Variants in NYAP1 observed in about 807,000 individuals in gnomAD.
NYAP1 encodes neuronal tyrosine-phosphorylated phosphoinositide-3-kinase adapter 1.
A neutral mutation model predicts 58.6 loss-of-function variants in NYAP1; 20 were observed. The ratio of observed to expected loss-of-function variants is 0.34; its 90% CI spans 0.24 to 0.50. The LOEUF (loss-of-function observed/expected upper bound fraction) is 0.50, where lower values mean the gene tolerates loss of function less well. Ranked by LOEUF, NYAP1 falls within the 20% of genes least tolerant of loss-of-function variation. NYAP1 has a pLI of 0.98. For missense variants in NYAP1, 1,150 were observed against 1,194.5 expected (o/e 0.96, Z 0.55); for synonymous variants, 572 against 523.1 (o/e 1.09, Z -1.27).
chr7:100,492,459 C>G (rs1563190259), intron 6 of NYAP1, among the ~76,000 whole-genome samples: 1 of 152,066 alleles, frequency 6.6e-6, no homozygotes, highest in Non-Finnish European at 1.5e-5. Flanking sequence ...CCACTGGGCA[C>G]TATGTCTTGT....
rs140546898 is a variant in NYAP1, at chr7:100,489,855, C to T, written c.1945+189C>T. On this transcript the variant is annotated intron_variant, in intron 4 of 6. Coordinates refer to ENST00000300179, the MANE Select transcript of NYAP1 (RefSeq NM_173564.4). ...AAAGACCGGGGTCCCCCAGTGTGCG[C>T]TGGAGGGGCAGGAAGGTCTGGGAGG... Among the ~76,000 whole-genome samples, 410 of 152,138 alleles carry T rather than the reference C, an allele frequency of 2.7e-3. 2 individuals are homozygous for T. The highest frequency in any genetic ancestry group is 9.4e-3 in the African/African-American group (388 of 41,482).
rs892909545 is a variant in NYAP1 at position 100,488,171 on chromosome 7, A to G, written c.450A>G (p.Pro150=). 6.3e-7 allele frequency: 1 copy of G among 1,598,144 alleles called. No homozygotes were observed. Among genetic ancestry groups the G allele is most frequent in the African/African-American group, 1.4e-5 (1 of 73,790 alleles). Reference sequence around the variant, plus strand: ...GTCCAGGCTCACAGAAGCCAACCCCAGAGGGCCGAGAGTCCAGCCGGAAGG... The same window carrying G: ...GTCCAGGCTCACAGAAGCCAACCCCGGAGGGCCGAGAGTCCAGCCGGAAGG... ...SKKAGSQKPT[P]EGRESSRKVP... is the part of the protein sequence containing the mutation. Residue 150 remains proline (P), a synonymous_variant, in exon 4 of 7, where the codon CCA becomes CCG. Coordinates refer to ENST00000300179, the MANE Select transcript of NYAP1 (RefSeq NM_173564.4). The surrounding 1 kb of genome is among the most constrained non-coding windows in gnomAD (Gnocchi z 5.9).
Position 100,489,101 on chromosome 7 carries a change from C to T in NYAP1, c.1380C>T (p.Tyr460=), listed in dbSNP as rs760290617. The T allele has an allele frequency of 2.5e-6, 4 of 1,577,210 alleles. No individual in the cohort carries two copies. The highest frequency in any genetic ancestry group is 1.7e-6 in the Non-Finnish European group (2 of 1,162,058). ...PGPPKDKAVS[Y]TMVYSAVKVT... ...CCCCCAAGGACAAGGCCGTGTCTTA[C>T]ACCATGGTGTACTCGGCGGTCAAGG... Residue 460 remains tyrosine (Y), a synonymous_variant, in exon 4 of 7, where the codon TAC becomes TAT. Coordinates refer to ENST00000300179, the MANE Select transcript of NYAP1 (RefSeq NM_173564.4).
chr7:100,492,281 C>T (rs550034608), intron 6 of NYAP1, among the ~76,000 whole-genome samples: 16 of 150,316 alleles, frequency 1.1e-4, no homozygotes, highest in African/African-American at 2.4e-5. Context: ...CCTGAGCCAG[C>T]GCAGACAGCG....
Position 100,488,866 on chromosome 7 carries a change from C to T in NYAP1, c.1145C>T (p.Thr382Met), listed in dbSNP as rs760779356. ...CAAGTGCCTGCACGGGAGCGGGAGA[C>T]GCCTCCCCCACCGCCTCCACCTCCT... ...APQVPARERE[T>M]PPPPPPPPAA... The change falls in exon 4 of 7, where the codon ACG (threonine) becomes ATG (methionine). Residue 382 changes from threonine (T) to methionine (M), a missense_variant. Physicochemically the swap from Thr to Met is moderately conservative, Grantham distance 81. Transcript: ENST00000300179. This position sits in a 1 kb window ranked among gnomAD's most constrained non-coding sequence, Gnocchi z 5.9. 48 of 1,599,518 alleles carry T rather than the reference C, an allele frequency of 3.0e-5. No homozygotes were observed. The highest frequency in any genetic ancestry group is 1.2e-4 in the South Asian group (11 of 89,798).
At position 100,487,063 on chromosome 7, in the gene NYAP1, G is replaced by A. The variant is rs1197227460; in HGVS notation, c.311G>A (p.Gly104Asp). 5.0e-6 allele frequency: 8 copies of A among 1,600,206 alleles called. No homozygotes were observed. The highest frequency in any genetic ancestry group is 1.1e-5 in the South Asian group (1 of 89,876). ...GGTGGCCCTGGCGGGGCCAGTGGGG[G>A]CCTCACAGAGGACAGCAGCACCCGA... ...VGGGPGGASGGLTEDSSTRRP... is the reference protein window; with the variant it reads ...VGGGPGGASGDLTEDSSTRRP... The change falls in exon 3 of 7, where the codon GGC becomes GAC. Residue 104 changes from glycine to aspartate, a missense_variant. Transcript: ENST00000300179. This position sits in a 1 kb window ranked among gnomAD's most constrained non-coding sequence, Gnocchi z 4.1.
At position 100,488,781 on chromosome 7, in the gene NYAP1, G is replaced by T. The variant is rs1334416179; in HGVS notation, c.1060G>T (p.Val354Phe). The change falls in exon 4 of 7, where the codon GTC (valine) becomes TTC (phenylalanine). Residue 354 changes from valine to phenylalanine, a missense_variant. By Grantham distance (50) the Val-to-Phe change is conservative. Coordinates refer to ENST00000300179, the MANE Select transcript of NYAP1 (RefSeq NM_173564.4). The surrounding 1 kb of genome is among the most constrained non-coding windows in gnomAD (Gnocchi z 5.9). ...KSASRTPGDGVSRLPVLCHSK... is the reference protein window; with the variant it reads ...KSASRTPGDGFSRLPVLCHSK... ...TGCTTCCCGAACCCCTGGCGATGGG[G>T]TCTCAAGGCTACCTGTCCTCTGCCA... The T allele has an allele frequency of 6.3e-7, 1 of 1,590,968 alleles. No homozygotes were observed. Among genetic ancestry groups the T allele is most frequent in the South Asian group, 1.1e-5 (1 of 88,142 alleles).
In NYAP1 at chr7:100,488,088, G is replaced by T; in HGVS notation, c.431-64G>T. 3.2e-6 allele frequency: 4 copies of T among 1,257,112 alleles called. No homozygotes were observed. The highest frequency in any genetic ancestry group is 4.4e-6 in the Non-Finnish European group (4 of 899,652). 77.9% of individuals were successfully genotyped at this position (1,257,112 alleles called of 1,614,324 possible). On this transcript the variant is annotated intron_variant, in intron 3 of 6. Coordinates refer to ENST00000300179, the MANE Select transcript of NYAP1 (RefSeq NM_173564.4). This position sits in a 1 kb window ranked among gnomAD's most constrained non-coding sequence, Gnocchi z 5.9. ...CAGAAGGGTCAAGGGATCAGAATGG[G>T]CTCCTCCCACTTGCTCCCCTCATTA...
chr7:100,489,682 G>T lies in NYAP1; in HGVS notation c.1945+16G>T. The T allele has an allele frequency of 1.4e-6, 2 of 1,471,890 alleles. No homozygotes were observed. Among genetic ancestry groups the T allele is most frequent in the Non-Finnish European group, 1.8e-6 (2 of 1,098,026 alleles). The allele number at this position is 1,471,890 out of a possible 1,614,324, so 91.2% of individuals were successfully genotyped here. ...GAGTTGGACAGTGAGTGAGGGGTGG[G>T]GAGTGGGGGCTGGCATCAGGGGTGG... On this transcript the variant is annotated intron_variant, in intron 4 of 6. Coordinates refer to ENST00000300179, the MANE Select transcript of NYAP1 (RefSeq NM_173564.4).
rs1584358014 is a variant in NYAP1, at chr7:100,485,975, C to G, written c.68+596C>G. On this transcript the variant is annotated intron_variant, in intron 2 of 6. Transcript: ENST00000300179. This position sits in a 1 kb window ranked among gnomAD's most constrained non-coding sequence, Gnocchi z 5.7. ...GGCCTGGCCTCTCCCATCCTTCTCT[C>G]CTTCTCCTCTTCTCTCCCATTGACT... Among the ~76,000 whole-genome samples the G allele has an allele frequency of 6.6e-6, 1 of 152,202 alleles. No individual in the cohort carries two copies. The highest frequency in any genetic ancestry group is 6.5e-5 in the Admixed American group (1 of 15,278).
chr7:100,494,146 G>T lies in NYAP1; in HGVS notation c.*243G>T, dbSNP rs1040674172. The T allele has an allele frequency of 9.3e-5, 43 of 462,496 alleles. No homozygotes were observed. The highest frequency in any genetic ancestry group is 3.8e-5 in the Non-Finnish European group (10 of 264,754). The allele number at this position is 462,496 out of a possible 1,614,324, so 28.6% of individuals were successfully genotyped here. A position where few individuals can be genotyped will look rare whatever the true frequency, so the allele number is the denominator to read the frequency against. ...TTTGCTTGAGGTTGGGGCGAGAGTC[G>T]CTCTGGCTGTTCTTCCCGCTGGGCG... On this transcript the variant is annotated 3_prime_UTR_variant, in exon 7 of 7. Coordinates refer to ENST00000300179, the MANE Select transcript of NYAP1 (RefSeq NM_173564.4).
At chr7:100,491,876 A>G (rs1380147079) in intron 6 of NYAP1, among the ~76,000 whole-genome samples, 1 of 152,166 alleles carries the variant, frequency 6.6e-6, no homozygotes, top group Non-Finnish European at 1.5e-5. Context: ...GTGAAATCCC[A>G]TCTGTACTAA....
Position 100,489,681 on chromosome 7 carries a change from GGGAGTGGGGGCTGGCATCA to G in NYAP1, c.1945+18_1945+36del. 1 of 1,480,570 alleles carries G rather than the reference GGGAGTGGGGGCTGGCATCA, an allele frequency of 6.8e-7. No individual in the cohort carries two copies. The highest frequency in any genetic ancestry group is 2.4e-5 in the East Asian group (1 of 42,254). The allele number at this position is 1,480,570 out of a possible 1,614,324, so 91.7% of individuals were successfully genotyped here. A position where few individuals can be genotyped will look rare whatever the true frequency, so the allele number is the denominator to read the frequency against. ...GGAGTTGGACAGTGAGTGAGGGGTG[GGGAGTGGGGGCTGGCATCA>G]GGGGTGGGGGGCAGCTGGGGATGCC... On this transcript the variant is annotated intron_variant, in intron 4 of 6. Coordinates refer to ENST00000300179, the MANE Select transcript of NYAP1 (RefSeq NM_173564.4).
Position 100,494,642 on chromosome 7 carries a change from G to GCACTAGTGCC in NYAP1, c.*739_*740insCACTAGTGCC, listed in dbSNP as rs1799847054. The GCACTAGTGCC allele has an allele frequency of 7.0e-6, 1 of 142,436 alleles. No individual in the cohort carries two copies. Among genetic ancestry groups the GCACTAGTGCC allele is most frequent in the African/African-American group, 2.6e-5 (1 of 38,078 alleles). 8.8% of individuals were successfully genotyped at this position (142,436 alleles called of 1,614,324 possible). A position where few individuals can be genotyped will look rare whatever the true frequency, so the allele number is the denominator to read the frequency against. On this transcript the variant is annotated 3_prime_UTR_variant, in exon 7 of 7. Coordinates refer to ENST00000300179, the MANE Select transcript of NYAP1 (RefSeq NM_173564.4). ...TCTGGGGTGAGGGTCTAGTGCCAGG[G>GCACTAGTGCC]ATGGGCAGGATGATGGGGGAGGAGG...
intron 6 of NYAP1, among the ~76,000 whole-genome samples, chr7:100,491,601 G>GA (rs113578533): frequency 1.7e-3 from 239 of 139,148 alleles, no homozygotes; most frequent in Non-Finnish European, 2.9e-3. Flanking sequence ...TGTCTTAGAA[G>GA]AAAAAAAAAA....
In NYAP1 at chr7:100,488,040, A is replaced by T; in HGVS notation, c.431-112A>T. The T allele has an allele frequency of 1.4e-6, 1 of 711,026 alleles. No individual in the cohort carries two copies. Among genetic ancestry groups the T allele is most frequent in the Non-Finnish European group, 2.3e-6 (1 of 433,716 alleles). The allele number at this position is 711,026 out of a possible 1,614,324, so 44.0% of individuals were successfully genotyped here. Reference sequence around the variant, plus strand: ...CTGTAAGTTGAGGAATGTGGGGAAAAGGAAGAGGCAGATATGTCCTTGCAG... The same window carrying T: ...CTGTAAGTTGAGGAATGTGGGGAAATGGAAGAGGCAGATATGTCCTTGCAG... On this transcript the variant is annotated intron_variant, in intron 3 of 6. Transcript: ENST00000300179. This position sits in a 1 kb window ranked among gnomAD's most constrained non-coding sequence, Gnocchi z 5.9.
chr7:100,490,565 G>A lies in NYAP1; in HGVS notation c.1994G>A (p.Gly665Asp), dbSNP rs748630682. ...RAWNGSAEGP[G>D]KVEREDRGPG... ...TGGAATGGCAGTGCCGAGGGTCCAG[G>A]CAAGGTGGAGCGTGAGGACAGGGGC... is the stretch of plus-strand genomic sequence containing the variant. Residue 665 changes from glycine to aspartate, a missense_variant, in exon 5 of 7, where the codon GGC becomes GAC. Coordinates refer to ENST00000300179, the MANE Select transcript of NYAP1 (RefSeq NM_173564.4). This position sits in a 1 kb window ranked among gnomAD's most constrained non-coding sequence, Gnocchi z 4.6. The A allele has an allele frequency of 6.9e-6, 11 of 1,587,058 alleles. No homozygotes were observed. In the South Asian group the frequency reaches 8.1e-5, roughly 12 times the overall value.
At position 100,494,234 on chromosome 7, in the gene NYAP1, T is replaced by G; in HGVS notation, c.*331T>G. On this transcript the variant is annotated 3_prime_UTR_variant, in exon 7 of 7. Transcript: ENST00000300179. Reference sequence around the variant, plus strand: ...CATGGGGAAGGGAGGAAGGAAGGGATGGGAGGAAGAGGGGGGTGGGTGAGC... The same window carrying G: ...CATGGGGAAGGGAGGAAGGAAGGGAGGGGAGGAAGAGGGGGGTGGGTGAGC... 8 of 258,292 alleles carry G rather than the reference T, an allele frequency of 3.1e-5. No individual in the cohort carries two copies. Among genetic ancestry groups the G allele is most frequent in the East Asian group, 6.9e-5 (1 of 14,498 alleles). The allele number at this position is 258,292 out of a possible 1,614,324, so 16.0% of individuals were successfully genotyped here.
At chr7:100,491,854 C>T (rs1799799123) in intron 6 of NYAP1, among the ~76,000 whole-genome samples, 1 of 152,158 alleles carries the variant, frequency 6.6e-6, no homozygotes, top group Non-Finnish European at 1.5e-5. Context: ...CAAGACTAGC[C>T]TGACCAACAT....
Sources: gnomAD v4.1 joint callset for allele counts (sites outside exome capture counted in the v4.1 genomes callset) on GRCh38, gnomAD v4.1.1 for gene constraint, Gnocchi (gnomAD v3.1) non-coding constraint, MANE v1.5 for transcripts, NCBI Gene and HGNC (gene_info 2026-07-23, HGNC 2026-07-21) for gene names.